The following DYSF variants were observed in gnomAD, a reference collection of about 807,000 sequenced individuals.
DYSF encodes the protein dysferlin, also known as dystrophy-associated fer-1-like 1.
A neutral mutation model predicts 274.9 loss-of-function variants in DYSF; 212 were observed. The observed-to-expected ratio is 0.77, with a 90% CI of 0.69 to 0.86. DYSF has a LOEUF of 0.86. Among genes scored for constraint, DYSF ranks in the 40% least tolerant of loss-of-function variants. DYSF has a pLI of 0.00. For missense variants in DYSF, 2,666 were observed against 2,783.2 expected (o/e 0.96, Z 0.95); for synonymous variants, 1,091 against 1,078.7 (o/e 1.01, Z -0.22).
At chr2:71,535,238 T>A in intron 15 of DYSF, 30 bp from the exon 16 acceptor site, 1 of 1,612,596 alleles carries the variant, frequency 6.2e-7, no homozygotes, top group Non-Finnish European at 8.5e-7. Context: ...AAAGGACTCT[T>A]CTCCCAACAC....
chr2:71,539,409 G>A (rs2089706936), intron 17 of DYSF, among the ~76,000 whole-genome samples, 170 bp downstream of exon 17: 1 of 152,130 alleles, frequency 6.6e-6, no homozygotes, highest in South Asian at 2.1e-4. Context: ...ATGTCTTACA[G>A]ACACTTAGGG....
intron 52 of DYSF, 22 bp downstream of exon 52, chr2:71,674,318 C>A: frequency 6.2e-7 from 1 of 1,606,754 alleles, no homozygotes; most frequent in Non-Finnish European, 8.5e-7. Flanking sequence ...TGCTAGAATC[C>A]CATTCTGCAC....
chr2:71,681,203 C>A, intron 54 of DYSF, 93 bp downstream of exon 54: 1 of 1,214,318 alleles, frequency 8.2e-7, no homozygotes. Flanking sequence ...ATGTAGAAGT[C>A]ACAAAGCCCA....
chr2:71,476,544 G>GA (rs60358010), intron 1 of DYSF, among the ~76,000 whole-genome samples: 18,370 of 130,372 alleles, frequency 0.14, 1,894 homozygotes, highest in African/African-American at 0.31. Context: ...TCCATCTCAA[G>GA]AAAAAAAAAA....
At chr2:71,474,157 C>T (rs1165439303) in intron 1 of DYSF, among the ~76,000 whole-genome samples, 1 of 152,154 alleles carries the variant, frequency 6.6e-6, no homozygotes, top group Non-Finnish European at 1.5e-5. Flanking sequence ...AACTCCTGAC[C>T]TCAGGTGATC....
At chr2:71,489,379 T>C (rs1401388394) in intron 3 of DYSF, among the ~76,000 whole-genome samples, 1 of 152,222 alleles carries the variant, frequency 6.6e-6, no homozygotes, top group Non-Finnish European at 1.5e-5. Flanking sequence ...TGCTGCTTTA[T>C]AGCTCAGACT....
intron 1 of DYSF, 29 bp from the exon 2 acceptor site, chr2:71,480,854 C>A: frequency 6.2e-7 from 1 of 1,608,640 alleles, no homozygotes; most frequent in South Asian, 1.1e-5. Context: ...GGATGTGTCT[C>A]TCCATTCTCC....
At chr2:71,666,054 T>C (rs1333882494) in intron 47 of DYSF, among the ~76,000 whole-genome samples, 1 of 148,464 alleles carries the variant, frequency 6.7e-6, no homozygotes, top group Admixed American at 6.7e-5. Context: ...CCCTCCTCCT[T>C]CTCATTCTGT....
At chr2:71,555,794 G>T (rs2091294304) in intron 21 of DYSF, among the ~76,000 whole-genome samples, 171 bp from the exon 22 acceptor site, 1 of 152,210 alleles carries the variant, frequency 6.6e-6, no homozygotes, top group Non-Finnish European at 1.5e-5. Context: ...AGCCTTGGAA[G>T]GTTCTTGAGC....
At chr2:71,648,662 A>G (rs973031917) in intron 42 of DYSF, among the ~76,000 whole-genome samples, 3 of 152,260 alleles carry the variant, frequency 2.0e-5, no homozygotes, top group African/African-American at 7.2e-5. Context: ...AAGATTGGTC[A>G]ATCTGAGACA....
chr2:71,529,041 C>T (rs1009791016), intron 14 of DYSF, among the ~76,000 whole-genome samples: 12 of 152,204 alleles, frequency 7.9e-5, no homozygotes, highest in African/African-American at 2.9e-4. Flanking sequence ...TCCGAACCCT[C>T]CCTTCAACCC....
chr2:71,466,490 C>T (rs2081539150), upstream of DYSF, among the ~76,000 whole-genome samples: 1 of 152,158 alleles, frequency 6.6e-6, no homozygotes, highest in Non-Finnish European at 1.5e-5. Flanking sequence ...TCTCGGAGGC[C>T]GAGCTGCGCG....
Position 71,679,249 on chromosome 2 carries a change from C to T in DYSF, c.6063+14C>T. On this transcript the variant is annotated intron_variant, in intron 53 of 55. Coordinates refer to ENST00000410020, the MANE Select transcript of DYSF (RefSeq NM_001130987.2). Reference sequence around the variant, plus strand: ...AAAATACTGGCGGTAAGTCTACTTCCTCCAGCCCCAGTGGAGGGCATGGGG... The same window carrying T: ...AAAATACTGGCGGTAAGTCTACTTCTTCCAGCCCCAGTGGAGGGCATGGGG... 3.7e-6 allele frequency: 6 copies of T among 1,613,332 alleles called. No homozygotes were observed. Among genetic ancestry groups the T allele is most frequent in the Non-Finnish European group, 4.2e-6 (5 of 1,179,526 alleles).
intron 40 of DYSF, among the ~76,000 whole-genome samples, chr2:71,619,523 T>C (rs2094040276): frequency 6.6e-6 from 1 of 152,140 alleles, no homozygotes; most frequent in Non-Finnish European, 1.5e-5. Context: ...ATCTTCCTGT[T>C]GAGGAAGGCA....
chr2:71,595,436 A>C (rs1342736448), intron 32 of DYSF, among the ~76,000 whole-genome samples: 1 of 152,138 alleles, frequency 6.6e-6, no homozygotes, highest in Non-Finnish European at 1.5e-5. Context: ...TTCCTGGGGA[A>C]AGCTCCCTTT....
chr2:71,661,210 A>T (rs1445211648), intron 45 of DYSF, among the ~76,000 whole-genome samples: 1 of 151,224 alleles, frequency 6.6e-6, no homozygotes, highest in Non-Finnish European at 1.5e-5. Flanking sequence ...TTTAAGATAA[A>T]CTTTTACTTT....
At chr2:71,647,615 A>C (rs1165941847) in intron 42 of DYSF, among the ~76,000 whole-genome samples, 1 of 152,242 alleles carries the variant, frequency 6.6e-6, no homozygotes, top group African/African-American at 2.4e-5. Context: ...CTCAAAGACA[A>C]CTGAAATTGG....
chr2:71,620,624 C>A lies in DYSF; in HGVS notation c.4527+15C>A. 1 of 1,488,368 alleles carries A rather than the reference C, an allele frequency of 6.7e-7. No homozygotes were observed. Among genetic ancestry groups the A allele is most frequent in the East Asian group, 2.7e-5 (1 of 36,784 alleles). 92.2% of individuals were successfully genotyped at this position (1,488,368 alleles called of 1,614,324 possible). On this transcript the variant is annotated intron_variant, in intron 41 of 55. Coordinates refer to ENST00000410020, the MANE Select transcript of DYSF (RefSeq NM_001130987.2). The stretch of plus-strand genomic sequence containing the variant: ...CCAGTCCTCATGTATGTACTGTTTA[C>A]TTATTTGTGGGCTCCTTGTATTCCC...
chr2:71,610,626 G>A (rs2093735636), intron 36 of DYSF, among the ~76,000 whole-genome samples: 1 of 152,074 alleles, frequency 6.6e-6, no homozygotes, highest in South Asian at 2.1e-4. Flanking sequence ...CCCCAGCAGT[G>A]TGCTTTGGTG....
Sources: allele counts gnomAD v4.1 joint callset (sites outside exome capture counted in the v4.1 genomes callset), GRCh38; gene constraint gnomAD v4.1.1; transcripts MANE v1.5; gene names NCBI Gene and HGNC (gene_info 2026-07-23, HGNC 2026-07-21).